The following FAM53B variants were observed in gnomAD, a reference collection of about 807,000 sequenced individuals.
The protein encoded by FAM53B is family with sequence similarity 53 member B.
FAM53B carries 12 observed loss-of-function variants against 32.7 expected under a neutral mutation model. That is an observed-to-expected ratio of 0.37 (90% confidence interval 0.24 to 0.59). FAM53B has a LOEUF of 0.59. Among genes scored for constraint, FAM53B ranks in the 20% least tolerant of loss-of-function variants. The probability of loss-of-function intolerance (pLI) is 0.72; values close to 1 mark genes in which losing one functional copy is unlikely to be tolerated. For synonymous variants in FAM53B, 234 were observed against 228.7 expected, an observed-to-expected ratio of 1.02 and a Z score of -0.21; for missense variants, 477 against 577.7, an observed-to-expected ratio of 0.83 and a Z score of 1.79.
At chr10:124,637,833 A>G (rs1949443286) in intron 4 of FAM53B, among the ~76,000 whole-genome samples, 1 of 152,260 alleles carries the variant, frequency 6.6e-6, no homozygotes, top group East Asian at 1.9e-4. Context: ...TCTTCCTGCC[A>G]TTGCATAGCC....
chr10:124,649,439 T>C (rs571080929), intron 4 of FAM53B, among the ~76,000 whole-genome samples: 37 of 152,238 alleles, frequency 2.4e-4, no homozygotes, highest in African/African-American at 6.7e-4. Context: ...AACAAAGCCA[T>C]GGTGGGAAAG....
chr10:124,652,912 T>C (rs754631264), intron 4 of FAM53B, among the ~76,000 whole-genome samples: 1 of 152,132 alleles, frequency 6.6e-6, no homozygotes, highest in African/African-American at 2.4e-5. Context: ...CGACGCCCTG[T>C]GTTGGTGTGT....
At chr10:124,658,657 G>A (rs938509131) in intron 4 of FAM53B, among the ~76,000 whole-genome samples, 2 of 152,238 alleles carry the variant, frequency 1.3e-5, no homozygotes, top group Non-Finnish European at 2.9e-5. Flanking sequence ...GGCATGTGGA[G>A]GAAGCTGAGA....
At chr10:124,720,315 A>G (rs1277879878) in intron 1 of FAM53B, among the ~76,000 whole-genome samples, 1 of 152,092 alleles carries the variant, frequency 6.6e-6, no homozygotes, top group African/African-American at 2.4e-5. Flanking sequence ...ACAAAAAATA[A>G]ATTAGCCAGG....
chr10:124,665,515 C>T (rs967575994), intron 4 of FAM53B, among the ~76,000 whole-genome samples: 48 of 152,196 alleles, frequency 3.2e-4, no homozygotes, highest in Admixed American at 2.9e-3. Context: ...GAACTCAAAA[C>T]GTGCCCCTCG....
In FAM53B at chr10:124,651,459, A is replaced by C. The variant is rs574544771; in HGVS notation, c.907-27855T>G. Among the ~76,000 whole-genome samples the C allele has an allele frequency of 6.6e-6, 1 of 152,324 alleles. No homozygotes were observed. Among genetic ancestry groups the C allele is most frequent in the South Asian group, 2.1e-4 (1 of 4,822 alleles). ...TAAGAGGGCTGCCAGGGGAGGCAGT[A>C]TAAAGGCATGCTGTGGCCCCTCACT... is the stretch of plus-strand genomic sequence containing the variant. On this transcript the variant is annotated intron_variant, in intron 4 of 4. Coordinates refer to ENST00000337318, the MANE Select transcript of FAM53B (RefSeq NM_014661.4). This position sits in a 1 kb window ranked among gnomAD's most constrained non-coding sequence, Gnocchi z 5.2.
intron 4 of FAM53B, among the ~76,000 whole-genome samples, chr10:124,644,454 T>C (rs1949498433): frequency 6.6e-6 from 1 of 152,122 alleles, no homozygotes; most frequent in Non-Finnish European, 1.5e-5. Context: ...TCCTTCCCTT[T>C]AGAATTCCAG....
At chr10:124,729,690 G>A (rs1950128928) in intron 1 of FAM53B, among the ~76,000 whole-genome samples, 2 of 152,176 alleles carry the variant, frequency 1.3e-5, no homozygotes, top group Non-Finnish European at 2.9e-5. Flanking sequence ...AGGAGCAATG[G>A]ACTGGACTCC....
At chr10:124,726,126 G>A (rs1300668255) in intron 1 of FAM53B, among the ~76,000 whole-genome samples, 2 of 152,222 alleles carry the variant, frequency 1.3e-5, no homozygotes, top group African/African-American at 4.8e-5. Context: ...GTTGAGTCCG[G>A]TGGTTCCTAA....
chr10:124,644,216 A>G (rs1457559452), intron 4 of FAM53B, among the ~76,000 whole-genome samples: 3 of 152,176 alleles, frequency 2.0e-5, no homozygotes, highest in African/African-American at 4.8e-5. Flanking sequence ...GCCTGCCTCA[A>G]TTGGAAAATG....
chr10:124,711,648 C>T (rs1392615030), intron 1 of FAM53B, among the ~76,000 whole-genome samples: 1 of 152,104 alleles, frequency 6.6e-6, no homozygotes, highest in Non-Finnish European at 1.5e-5. Flanking sequence ...TTAAAGCCCA[C>T]TGATTATACC....
chr10:124,621,831 A>T lies in FAM53B; in HGVS notation c.*1411T>A, dbSNP rs1328327579. 2 of 152,322 alleles carry T rather than the reference A, an allele frequency of 1.3e-5. No homozygotes were observed. The highest frequency in any genetic ancestry group is 2.4e-5 in the African/African-American group (1 of 41,442). 9.4% of individuals were successfully genotyped at this position (152,322 alleles called of 1,614,324 possible). On this transcript the variant is annotated 3_prime_UTR_variant, in exon 5 of 5. Transcript: ENST00000337318. The stretch of plus-strand genomic sequence containing the variant: ...GCCAACACAAGGGAGCGCACCAGTT[A>T]TTTTTAGCCTTATGGGAAAATGAGC...
In FAM53B at chr10:124,674,912, G is replaced by A. The variant is rs528023420; in HGVS notation, c.906+6695C>T. On this transcript the variant is annotated intron_variant, in intron 4 of 4. Coordinates refer to ENST00000337318, the MANE Select transcript of FAM53B (RefSeq NM_014661.4). ...GCATGGCCGGGGCTCTCATCTGAGC[G>A]GCTGGCTTAGGAAAGGGCCCCTACT... Among the ~76,000 whole-genome samples, 203 of 152,328 alleles carry A rather than the reference G, an allele frequency of 1.3e-3. 1 individual carries two copies. Among genetic ancestry groups the A allele is most frequent in the South Asian group, 2.7e-3 (13 of 4,828 alleles).
At chr10:124,632,604 G>T (rs933997909) in intron 4 of FAM53B, among the ~76,000 whole-genome samples, 17 of 152,238 alleles carry the variant, frequency 1.1e-4, no homozygotes, top group African/African-American at 3.9e-4. Context: ...ACATCGGGGT[G>T]CTGAAGACAG....
chr10:124,730,043 C>A (rs941448192), intron 1 of FAM53B, among the ~76,000 whole-genome samples: 2 of 152,318 alleles, frequency 1.3e-5, no homozygotes, highest in South Asian at 4.1e-4. Flanking sequence ...GAGTAAGTCA[C>A]GTGATACTAG....
Position 124,733,348 on chromosome 10 carries a change from C to A in FAM53B, c.-175+10665G>T, listed in dbSNP as rs1295920726. ...ATCTGAGGGCGGTGGAGGCCTCAGG[C>A]GCACTGGCCGCCAAGAGTCAGGTGA... On this transcript the variant is annotated intron_variant, in intron 1 of 4. Transcript: ENST00000337318. The surrounding 1 kb of genome is among the most constrained non-coding windows in gnomAD (Gnocchi z 4.3). 3.3e-5 allele frequency among the ~76,000 whole-genome samples: 5 copies of A among 152,120 alleles called. No homozygotes were observed. Among genetic ancestry groups the A allele is most frequent in the Non-Finnish European group, 7.4e-5 (5 of 68,012 alleles).
Position 124,657,286 on chromosome 10 carries a change from TA to T in FAM53B, c.906+24320del, listed in dbSNP as rs1455923187. Among the ~76,000 whole-genome samples, 3 of 151,978 alleles carry T rather than the reference TA, an allele frequency of 2.0e-5. No individual in the cohort carries two copies. The East Asian group carries it at 5.8e-4, about 29-fold the overall frequency. ...GTAAGAAACCAGTGCTAAGCTAATA[TA>T]TTTTGTTTTAACTCATGTTTCTTTC... On this transcript the variant is annotated intron_variant, in intron 4 of 4. Transcript: ENST00000337318.
chr10:124,672,200 C>T (rs1262417900), intron 4 of FAM53B, among the ~76,000 whole-genome samples: 1 of 152,260 alleles, frequency 6.6e-6, no homozygotes, highest in Non-Finnish European at 1.5e-5. Context: ...CGGGAAAAGG[C>T]CCGGTCAGGC....
At chr10:124,635,820 C>A (rs1773392300) in intron 4 of FAM53B, among the ~76,000 whole-genome samples, 1 of 152,106 alleles carries the variant, frequency 6.6e-6, no homozygotes, top group African/African-American at 2.4e-5. Context: ...TGCAGTGGAA[C>A]ACCGTGCAGC....
Sources: allele counts gnomAD v4.1 joint callset (sites outside exome capture counted in the v4.1 genomes callset), GRCh38; gene constraint gnomAD v4.1.1; non-coding constraint Gnocchi (gnomAD v3.1); transcripts MANE v1.5; gene names NCBI Gene and HGNC (gene_info 2026-07-23, HGNC 2026-07-21).